Variants in CFAP70 observed in about 807,000 individuals in gnomAD.
CFAP70 encodes the protein cilia and flagella associated protein 70.
CFAP70 carries 81 observed loss-of-function variants against 137.6 expected under a neutral mutation model. That is an observed-to-expected ratio of 0.59 (90% confidence interval 0.49 to 0.71). The LOEUF (loss-of-function observed/expected upper bound fraction) is 0.71. Ranked by LOEUF, CFAP70 falls within the 30% of genes least tolerant of loss-of-function variation. The pLI, the probability that CFAP70 is intolerant of heterozygous loss-of-function variation, is 0.00. For synonymous variants in CFAP70, 382 were observed against 423.6 expected (o/e 0.90, Z 1.20); for missense variants, 976 against 1,226.7 (o/e 0.80, Z 3.05).
intron 25 of CFAP70, among the ~76,000 whole-genome samples, chr10:73,265,768 A>G (rs2045693622): frequency 6.6e-6 from 1 of 151,670 alleles, no homozygotes; most frequent in Non-Finnish European, 1.5e-5. Context: ...TCACTTACCT[A>G]CTCTTACACT....
At chr10:73,265,051 T>C (rs956956987) in intron 25 of CFAP70, among the ~76,000 whole-genome samples, 1 of 152,102 alleles carries the variant, frequency 6.6e-6, no homozygotes. Context: ...TTCGGCCGGG[T>C]GCGGTGGCTC....
intron 19 of CFAP70, among the ~76,000 whole-genome samples, chr10:73,278,702 C>T (rs896983267): frequency 9.9e-5 from 15 of 152,052 alleles, no homozygotes; most frequent in Non-Finnish European, 1.8e-4. Context: ...GGAGTGAGGC[C>T]GGGCGCGGTG....
intron 4 of CFAP70, chr10:73,347,182 G>C (rs937548725): frequency 1.1e-4 from 16 of 152,166 alleles, no homozygotes; most frequent in South Asian, 4.1e-4. Flanking sequence ...TGAGGTTGAA[G>C]GGGGAGGCCT....
At chr10:73,272,832 T>C in intron 24 of CFAP70, 96 bp downstream of exon 25, 1 of 1,087,490 alleles carries the variant, frequency 9.2e-7, no homozygotes, top group South Asian at 1.3e-5. Context: ...CTGATTGCTA[T>C]TCCAATGTCA....
intron 12 of CFAP70, among the ~76,000 whole-genome samples, chr10:73,302,846 C>A (rs7897627): frequency 6.6e-6 from 1 of 151,026 alleles, no homozygotes. Flanking sequence ...TAATCTTTTA[C>A]AAGTATTGAC....
At chr10:73,303,557 A>C (rs1019559620) in intron 12 of CFAP70, among the ~76,000 whole-genome samples, 5 of 152,008 alleles carry the variant, frequency 3.3e-5, no homozygotes, top group African/African-American at 1.2e-4. Flanking sequence ...CTATAATTTT[A>C]TCACTTGGCC....
At chr10:73,361,609 G>GA (rs1248899542), upstream of CFAP70, among the ~76,000 whole-genome samples, 4 of 151,896 alleles carry the variant, frequency 2.6e-5, no homozygotes, top group Non-Finnish European at 4.4e-5. Context: ...CAATTTCAGG[G>GA]AAAAAAACTA....
Position 73,278,266 on chromosome 10 carries a change from C to A in CFAP70, c.2311G>T (p.Glu771Ter). Residue 771 changes from glutamate to a stop codon, truncating the protein, a stop_gained, in exon 20 of 27, where the codon GAA becomes TAA. Coordinates refer to ENST00000310715, the Ensembl canonical transcript of CFAP70. LOFTEE classifies it high-confidence loss of function. ...CAAGTTTGTGTAGTCAAAATGGGTT[C>A]TTGTGAATCAGACTGCAGTTTGGAG... is the stretch of plus-strand genomic sequence containing the variant. 1 of 1,613,994 alleles carries A rather than the reference C, an allele frequency of 6.2e-7. No homozygotes were observed. Among genetic ancestry groups the A allele is most frequent in the Non-Finnish European group, 8.5e-7 (1 of 1,179,952 alleles).
chr10:73,317,016 T>C (rs1484001606), intron 9 of CFAP70, among the ~76,000 whole-genome samples: 1 of 152,170 alleles, frequency 6.6e-6, no homozygotes, highest in African/African-American at 2.4e-5. Context: ...GTCTTTATTT[T>C]ACCTTTGTTG....
chr10:73,276,386 T>C (rs1245145098), intron 21 of CFAP70: 1 of 152,220 alleles, frequency 6.6e-6, no homozygotes, highest in Non-Finnish European at 1.5e-5. Flanking sequence ...TACATTATAC[T>C]TACACCTTTT....
intron 4 of CFAP70, among the ~76,000 whole-genome samples, chr10:73,345,626 G>GA (rs1160599830): frequency 6.6e-6 from 1 of 151,984 alleles, no homozygotes; most frequent in African/African-American, 2.4e-5. Flanking sequence ...CCAACACAGT[G>GA]AAAACCCATC....
At chr10:73,322,609 G>A (rs1413113114) in intron 9 of CFAP70, among the ~76,000 whole-genome samples, 1 of 140,868 alleles carries the variant, frequency 7.1e-6, no homozygotes, top group African/African-American at 2.6e-5. Context: ...TCTCTCTTTT[G>A]TCTGGCTTCT....
At position 73,278,348 on chromosome 10, in the gene CFAP70, TAC is replaced by T. The variant is rs1564772872; in HGVS notation, c.2240-13_2240-12del. 6.3e-7 allele frequency: 1 copy of T among 1,598,562 alleles called. No homozygotes were observed. The highest frequency in any genetic ancestry group is 1.7e-5 in the Admixed American group (1 of 57,498). ...ATGCAGCTCCTGGTCCTAAATAGAT[TAC>T]ATTTTAATGAAAAATAAAACTTCTT... On this transcript the variant is annotated splice_polypyrimidine_tract_variant and intron_variant, in intron 19 of 26. Transcript: ENST00000310715.
chr10:73,345,029 T>C (rs754855688), intron 5 of CFAP70, 36 bp downstream of exon 6: 10 of 1,586,510 alleles, frequency 6.3e-6, no homozygotes, highest in Admixed American at 1.7e-5. Context: ...ACAGACATGT[T>C]TGAATCTCTA....
intron 4 of CFAP70, 57 bp from the exon 6 acceptor site, chr10:73,345,301 T>C: frequency 6.8e-7 from 1 of 1,466,948 alleles, no homozygotes; most frequent in Non-Finnish European, 9.5e-7. Flanking sequence ...CTTCCTTTTT[T>C]GCATTATCTC....
chr10:73,311,766 G>T, intron 11 of CFAP70, 68 bp downstream of exon 12: 2 of 1,232,116 alleles, frequency 1.6e-6, no homozygotes, highest in Non-Finnish European at 1.2e-6. Context: ...ATTTTCCATT[G>T]AAAATGCCTT....
Position 73,275,715 on chromosome 10 carries a change from T to A in CFAP70, c.2521-117A>T. 1.1e-6 allele frequency: 1 copy of A among 910,518 alleles called. No individual in the cohort carries two copies. The highest frequency in any genetic ancestry group is 1.5e-6 in the Non-Finnish European group (1 of 647,634). 56.4% of individuals were successfully genotyped at this position (910,518 alleles called of 1,614,324 possible). A position where few individuals can be genotyped will look rare whatever the true frequency, so the allele number is the denominator to read the frequency against. ...GAAATGTATTACAGAATGAAATAAT[T>A]ATCCTCAACTTCAAAAGGTAAAGGG... On this transcript the variant is annotated intron_variant, in intron 21 of 26. Coordinates refer to ENST00000310715, the Ensembl canonical transcript of CFAP70. The surrounding 1 kb of genome is among the most constrained non-coding windows in gnomAD (Gnocchi z 4.0).
At chr10:73,277,539 C>T (rs1331102260) in intron 20 of CFAP70, among the ~76,000 whole-genome samples, 178 bp from the exon 22 acceptor site, 1 of 152,042 alleles carries the variant, frequency 6.6e-6, no homozygotes. Flanking sequence ...ATAGTGAAAC[C>T]CCGTCTGCAC....
At chr10:73,311,746 C>T (rs2049938629) in intron 11 of CFAP70, 88 bp downstream of exon 12, 1 of 1,050,528 alleles carries the variant, frequency 9.5e-7, no homozygotes, top group South Asian at 1.3e-5. Flanking sequence ...AACTAACATC[C>T]TGCCTGAGCA....
Sources: gnomAD v4.1 joint callset for allele counts (sites outside exome capture counted in the v4.1 genomes callset) on GRCh38, gnomAD v4.1.1 for gene constraint, Gnocchi (gnomAD v3.1) non-coding constraint, MANE v1.5 for transcripts, NCBI Gene and HGNC (gene_info 2026-07-23, HGNC 2026-07-21) for gene names.